The following PDPK1 variants were observed in gnomAD, a reference collection of about 807,000 sequenced individuals.
PDPK1 encodes 3-phosphoinositide dependent protein kinase 1, also known as 3-phosphoinositide-dependent protein kinase 1.
In PDPK1, 7 loss-of-function variants were observed where a neutral mutation model predicts 39.8. The observed-to-expected ratio is 0.18, with a 90% CI of 0.10 to 0.33. PDPK1 has a LOEUF of 0.33. PDPK1 is among the 10% of genes least tolerant of loss of function. The pLI, the probability that PDPK1 is intolerant of heterozygous loss-of-function variation, is 1.00. For missense variants in PDPK1, 182 were observed against 384.7 expected, an observed-to-expected ratio of 0.47 and a Z score of 4.41; for synonymous variants, 118 against 159.1, an observed-to-expected ratio of 0.74 and a Z score of 1.95.
intron 1 of PDPK1, chr16:2,539,370 A>C (rs1004274598): frequency 6.6e-6 from 1 of 152,104 alleles, no homozygotes; most frequent in Non-Finnish European, 1.5e-5. Flanking sequence ...GTGAGCCACC[A>C]CGCCCGGCAG....
intron 12 of PDPK1, among the ~76,000 whole-genome samples, chr16:2,596,612 A>G (rs923689170): frequency 2.0e-5 from 3 of 152,330 alleles, no homozygotes; most frequent in South Asian, 2.1e-4. Context: ...ACCTTTTTCA[A>G]ATATAAATCA....
At position 2,597,884 on chromosome 16, in the gene PDPK1, G is replaced by A. The variant is rs1201533330; in HGVS notation, c.*117G>A. 6 of 636,716 alleles carry A rather than the reference G, an allele frequency of 9.4e-6. No individual in the cohort carries two copies. The highest frequency in any genetic ancestry group is 1.8e-5 in the African/African-American group (1 of 54,254). 39.4% of individuals were successfully genotyped at this position (636,716 alleles called of 1,614,324 possible). On this transcript the variant is annotated 3_prime_UTR_variant, in exon 14 of 14. Coordinates refer to ENST00000342085, the MANE Select transcript of PDPK1 (RefSeq NM_002613.5). This position sits in a 1 kb window ranked among gnomAD's most constrained non-coding sequence, Gnocchi z 6.3. ...GCCATCACAAGGGGAACGCAGAGGC[G>A]GAAACCTTGCAGCATTTTTATTTAA...
At chr16:2,538,964 C>A in intron 1 of PDPK1, 1 of 356,632 alleles carries the variant, frequency 2.8e-6, no homozygotes, top group Non-Finnish European at 5.2e-6. Flanking sequence ...ATGCGATGTG[C>A]AGTGGGTGAT....
At chr16:2,587,800 C>T (rs2066907943) in intron 11 of PDPK1, among the ~76,000 whole-genome samples, 1 of 152,244 alleles carries the variant, frequency 6.6e-6, no homozygotes, top group Non-Finnish European at 1.5e-5. Context: ...TGCAAACATT[C>T]TTCAGTTTCT....
At chr16:2,560,976 CTG>C (rs2066597844) in intron 2 of PDPK1, among the ~76,000 whole-genome samples, 1 of 151,582 alleles carries the variant, frequency 6.6e-6, no homozygotes. Flanking sequence ...TTAGCTCCCT[CTG>C]TCCTTTACAG....
intron 1 of PDPK1, among the ~76,000 whole-genome samples, chr16:2,551,583 G>A (rs1463339447): frequency 6.6e-6 from 1 of 151,526 alleles, no homozygotes; most frequent in South Asian, 2.1e-4. Flanking sequence ...TTTCTGTTCG[G>A]GATCCTTTCT....
rs2335111 is a variant in PDPK1 at position 2,601,958 on chromosome 16, T to C, written c.*4191T>C. 0.046 allele frequency: 10,684 copies of C among 232,414 alleles called. 1,145 individuals are homozygous for C. Among genetic ancestry groups the C allele is most frequent in the African/African-American group, 0.22 (9,766 of 44,368 alleles). The allele number at this position is 232,414 out of a possible 1,614,324, so 14.4% of individuals were successfully genotyped here. ...GTGCAGGAGGTTTTTCTAGGCACCG[T>C]GTTCAGTGCTGCTTCACTCTACCAG... On this transcript the variant is annotated 3_prime_UTR_variant, in exon 14 of 14. Transcript: ENST00000342085.
At chr16:2,551,722 G>A (rs548583200) in intron 1 of PDPK1, among the ~76,000 whole-genome samples, 2 of 148,542 alleles carry the variant, frequency 1.3e-5, no homozygotes, top group African/African-American at 5.0e-5. Flanking sequence ...GCTGGAATGC[G>A]GTGACGCAAT....
chr16:2,592,433 G>C lies in PDPK1; in HGVS notation c.1344-3360G>C, dbSNP rs919049998. The C allele has an allele frequency of 1.4e-5, 4 of 278,712 alleles. No individual in the cohort carries two copies. The Admixed American group carries it at 2.0e-4, about 14-fold the overall frequency. The allele number at this position is 278,712 out of a possible 1,614,324, so 17.3% of individuals were successfully genotyped here. A position where few individuals can be genotyped will look rare whatever the true frequency, so the allele number is the denominator to read the frequency against. On this transcript the variant is annotated intron_variant, in intron 11 of 13. Coordinates refer to ENST00000342085, the MANE Select transcript of PDPK1 (RefSeq NM_002613.5). ...TCCCAGGGAGGAAAGGGCTCTCAGG[G>C]CAGGGGATTTTCTGCAGGAGACAGT... is the stretch of plus-strand genomic sequence containing the variant.
chr16:2,592,725 T>C (rs1175177956), intron 11 of PDPK1: 11 of 449,124 alleles, frequency 2.4e-5, no homozygotes, highest in Non-Finnish European at 4.0e-5. Flanking sequence ...AGCAAGGAGC[T>C]GTTTCTGTCG....
chr16:2,578,106 C>T (rs1262335198), intron 7 of PDPK1, among the ~76,000 whole-genome samples: 3 of 149,284 alleles, frequency 2.0e-5, no homozygotes, highest in Middle Eastern at 3.4e-3. Context: ...GCCCAGGCTT[C>T]CTTGGTGCTG....
In PDPK1 at chr16:2,602,895, TATTTAA is replaced by T. The variant is rs1293874725; in HGVS notation, c.*5132_*5137del. The T allele has an allele frequency of 4.3e-6, 1 of 232,910 alleles. No homozygotes were observed. Among genetic ancestry groups the T allele is most frequent in the Non-Finnish European group, 8.5e-6 (1 of 117,612 alleles). The allele number at this position is 232,910 out of a possible 1,614,324, so 14.4% of individuals were successfully genotyped here. The stretch of plus-strand genomic sequence containing the variant: ...TGTTGGCCTCTAGTTCAGTCTGTGT[TATTTAA>T]ATTCTAATATATGAATTATTTGAAT... On this transcript the variant is annotated 3_prime_UTR_variant, in exon 14 of 14. Coordinates refer to ENST00000342085, the MANE Select transcript of PDPK1 (RefSeq NM_002613.5).
Position 2,551,754 on chromosome 16 carries a change from C to A in PDPK1, c.25-5949C>A, listed in dbSNP as rs1485273708. Among the ~76,000 whole-genome samples the A allele has an allele frequency of 4.6e-5, 7 of 150,764 alleles. 1 individual carries two copies. Among genetic ancestry groups the A allele is most frequent in the Admixed American group, 2.7e-4 (4 of 14,672 alleles). Reference sequence around the variant, plus strand: ...CAATCTCTGCTCACTGCAACCTCCGCCTCCTGGGTTCAAGCGATTCTCCTA... The same window carrying A: ...CAATCTCTGCTCACTGCAACCTCCGACTCCTGGGTTCAAGCGATTCTCCTA... On this transcript the variant is annotated intron_variant, in intron 1 of 13. Coordinates refer to ENST00000342085, the MANE Select transcript of PDPK1 (RefSeq NM_002613.5).
At position 2,603,010 on chromosome 16, in the gene PDPK1, A is replaced by G. The variant is rs1025380467; in HGVS notation, c.*5243A>G. On this transcript the variant is annotated 3_prime_UTR_variant, in exon 14 of 14. Transcript: ENST00000342085. ...TAATTATTGTAAACTATATTTTACAACTTTTTTTCTGGCTTTATTATATAA... is the reference window on the plus strand; with the variant it reads ...TAATTATTGTAAACTATATTTTACAGCTTTTTTTCTGGCTTTATTATATAA... The G allele has an allele frequency of 8.7e-6, 2 of 229,246 alleles. No homozygotes were observed. The highest frequency in any genetic ancestry group is 6.3e-5 in the East Asian group (1 of 15,896). 14.2% of individuals were successfully genotyped at this position (229,246 alleles called of 1,614,324 possible). A position where few individuals can be genotyped will look rare whatever the true frequency, so the allele number is the denominator to read the frequency against.
intron 11 of PDPK1, among the ~76,000 whole-genome samples, chr16:2,587,876 A>G (rs2066909061): frequency 6.6e-6 from 1 of 152,018 alleles, no homozygotes; most frequent in Non-Finnish European, 1.5e-5. Flanking sequence ...TCCTGTCCCT[A>G]TTTATATTTT....
At chr16:2,553,155 A>G (rs1437687850) in intron 1 of PDPK1, among the ~76,000 whole-genome samples, 2 of 136,828 alleles carry the variant, frequency 1.5e-5, no homozygotes, top group East Asian at 2.0e-4. Context: ...TTCTCTTGTG[A>G]GGAGCTTTTT....
intron 1 of PDPK1, among the ~76,000 whole-genome samples, chr16:2,544,512 A>G (rs1401184743): frequency 2.0e-5 from 3 of 152,196 alleles, no homozygotes; most frequent in Non-Finnish European, 4.4e-5. Flanking sequence ...GAATATCCCT[A>G]GCCTTTTCAC....
At position 2,538,055 on chromosome 16, in the gene PDPK1, G is replaced by T; in HGVS notation, c.-58G>T. 1.1e-6 allele frequency: 1 copy of T among 892,774 alleles called. No individual in the cohort carries two copies. The highest frequency in any genetic ancestry group is 1.4e-6 in the Non-Finnish European group (1 of 732,156). The allele number at this position is 892,774 out of a possible 1,614,324, so 55.3% of individuals were successfully genotyped here. A position where few individuals can be genotyped will look rare whatever the true frequency, so the allele number is the denominator to read the frequency against. On this transcript the variant is annotated 5_prime_UTR_variant, in exon 1 of 14. Coordinates refer to ENST00000342085, the MANE Select transcript of PDPK1 (RefSeq NM_002613.5). Reference sequence around the variant, plus strand: ...GCTCCGCTTCGGGGAGGAGGACGCTGAGGAGGCGCCGAGCCGCGCAGCGCT... The same window carrying T: ...GCTCCGCTTCGGGGAGGAGGACGCTTAGGAGGCGCCGAGCCGCGCAGCGCT...
intron 11 of PDPK1, among the ~76,000 whole-genome samples, chr16:2,589,373 C>A (rs1016844732): frequency 1.3e-5 from 2 of 152,058 alleles, no homozygotes; most frequent in Non-Finnish European, 2.9e-5. Flanking sequence ...ATTTTGAAAT[C>A]CTGAAGTTTT....
Sources: gnomAD v4.1 joint callset for allele counts (sites outside exome capture counted in the v4.1 genomes callset) on GRCh38, gnomAD v4.1.1 for gene constraint, Gnocchi (gnomAD v3.1) non-coding constraint, MANE v1.5 for transcripts, NCBI Gene and HGNC (gene_info 2026-07-23, HGNC 2026-07-21) for gene names.